Variants in SLC25A26 observed in about 807,000 individuals in gnomAD.
SLC25A26 encodes the protein mitochondrial S-adenosylmethionine carrier protein.
In SLC25A26, 36 loss-of-function variants were observed where a neutral mutation model predicts 37.8. The ratio of observed to expected loss-of-function variants is 0.95; its 90% CI spans 0.73 to 1.26. SLC25A26 has a LOEUF of 1.26. SLC25A26 is among the 50% of genes most tolerant of loss of function. The pLI is 0.00. For missense variants in SLC25A26, 390 were observed against 331.1 expected (o/e 1.18, Z -1.38); for synonymous variants, 129 against 122.5 (o/e 1.05, Z -0.35).
chr3:66,225,762 T>C (rs782086930), intron 1 of SLC25A26, among the ~76,000 whole-genome samples: 1 of 152,200 alleles, frequency 6.6e-6, no homozygotes, highest in Non-Finnish European at 1.5e-5. Context: ...TCGGATACTG[T>C]AAATCATCTC....
chr3:66,202,147 T>C (rs2071119361), intron 1 of SLC25A26, among the ~76,000 whole-genome samples: 1 of 151,930 alleles, frequency 6.6e-6, no homozygotes, highest in Admixed American at 6.6e-5. Flanking sequence ...ATAAAGAAAA[T>C]GTGGCATATA....
In SLC25A26 at chr3:66,221,576, A is replaced by G. The variant is rs140181444; in HGVS notation, c.33+449A>G. On this transcript the variant is annotated intron_variant, in intron 1 of 9. Coordinates refer to ENST00000354883, the MANE Select transcript of SLC25A26 (RefSeq NM_001379210.1). ...TCTCTTTTCAGTCTTAGAAAATGAC[A>G]TGTCCTTCTGTTCATTCAATACATA... Among the ~76,000 whole-genome samples, 147 of 152,120 alleles carry G rather than the reference A, an allele frequency of 9.7e-4. 3 individuals carry two copies. The highest frequency in any genetic ancestry group is 9.4e-3 in the Admixed American group (143 of 15,266).
intron 1 of SLC25A26, among the ~76,000 whole-genome samples, chr3:66,232,588 C>A (rs965520347): frequency 1.2e-4 from 19 of 152,192 alleles, no homozygotes; most frequent in African/African-American, 4.1e-4. Context: ...ACAACAAGAT[C>A]TAAACCTGAA....
intron 5 of SLC25A26, among the ~76,000 whole-genome samples, chr3:66,299,437 A>G (rs2107549328): frequency 6.6e-6 from 1 of 152,192 alleles, no homozygotes; most frequent in African/African-American, 2.4e-5. Context: ...TGATCTGCTC[A>G]CCTCAGCCTC....
chr3:66,192,964 G>A (rs1403265050), intron 1 of SLC25A26, among the ~76,000 whole-genome samples: 2 of 151,908 alleles, frequency 1.3e-5, no homozygotes, highest in African/African-American at 2.4e-5. Flanking sequence ...GAAAAAAAAA[G>A]AAAGAAAAGA....
chr3:66,369,036 AAAAAAAACAAAAACAAAAAAAAAAAAC>A (rs752659764), intron 7 of SLC25A26, among the ~76,000 whole-genome samples: 12,290 of 47,434 alleles, frequency 0.26, 692 homozygotes, highest in South Asian at 0.3. Context: ...AAAAAAAAAA[AAAAAAAACAAAAACAAAAAAAAAAAAC>A]AAAAGACAGT....
In SLC25A26 at chr3:66,333,835, A is replaced by C. The variant is rs188305015; in HGVS notation, c.454-12529A>C. 4.9e-3 allele frequency among the ~76,000 whole-genome samples: 567 copies of C among 116,626 alleles called. 9 individuals are homozygous for C. Among genetic ancestry groups the C allele is most frequent in the Non-Finnish European group, 4.2e-3 (235 of 55,462 alleles). 76.5% of individuals were successfully genotyped at this position (116,626 alleles called of 152,430 possible). On this transcript the variant is annotated intron_variant, in intron 5 of 9. Coordinates refer to ENST00000354883, the MANE Select transcript of SLC25A26 (RefSeq NM_001379210.1). ...AGATACTTGTCCAGAACCTAGAAAA[A>C]CAAAAAACAAACAAAAAACACACAC...
chr3:66,236,690 C>A lies in SLC25A26; in HGVS notation c.180C>A (p.Ser60=). The A allele has an allele frequency of 6.6e-7, 1 of 1,512,596 alleles. No homozygotes were observed. The highest frequency in any genetic ancestry group is 8.8e-7 in the Non-Finnish European group (1 of 1,129,984). The allele number at this position is 1,512,596 out of a possible 1,614,324, so 93.7% of individuals were successfully genotyped here. Residue 60 remains serine (S), a synonymous_variant, in exon 2 of 10, where the codon TCC becomes TCA. Coordinates refer to ENST00000354883, the MANE Select transcript of SLC25A26 (RefSeq NM_001379210.1). ...GCGTTCCTTCTGCTGCTATTGGATCCTTTCCTAATGGTAAAAAATTATATT... is the reference window on the plus strand; with the variant it reads ...GCGTTCCTTCTGCTGCTATTGGATCATTTCCTAATGGTAAAAAATTATATT... The part of the protein sequence containing the change: ...YAGVPSAAIG[S]FPNAAAFFIT...
chr3:66,209,037 G>GGT (rs1559577471), intron 1 of SLC25A26, among the ~76,000 whole-genome samples: 15 of 15,772 alleles, frequency 9.5e-4, no homozygotes, highest in African/African-American at 2.1e-3. Context: ...CCCATATAAA[G>GGT]GTGTATATAT....
intron 1 of SLC25A26, among the ~76,000 whole-genome samples, chr3:66,155,821 T>G (rs2070274978): frequency 6.6e-6 from 1 of 152,110 alleles, no homozygotes; most frequent in Non-Finnish European, 1.5e-5. Context: ...TCTCATCTCC[T>G]CACATCCTCT....
At chr3:66,332,840 C>G (rs1426312347) in intron 5 of SLC25A26, among the ~76,000 whole-genome samples, 1 of 152,166 alleles carries the variant, frequency 6.6e-6, no homozygotes, top group African/African-American at 2.4e-5. Flanking sequence ...CTGTCCTTCC[C>G]CAGAGGTCTC....
intron 5 of SLC25A26, chr3:66,324,277 T>A (rs1327717181): frequency 1.3e-5 from 2 of 149,736 alleles, no homozygotes; most frequent in Non-Finnish European, 2.9e-5. Context: ...TTTGGTTGAG[T>A]GAGGGATGTA....
At chr3:66,339,430 A>AT (rs1014827210) in intron 5 of SLC25A26, among the ~76,000 whole-genome samples, 2 of 151,924 alleles carry the variant, frequency 1.3e-5, no homozygotes, top group Non-Finnish European at 2.9e-5. Context: ...CTACCACTTA[A>AT]TTTTTTTGAA....
At position 66,362,864 on chromosome 3, in the gene SLC25A26, T is replaced by C; in HGVS notation, c.503T>C (p.Leu168Pro). 1 of 1,599,708 alleles carries C rather than the reference T, an allele frequency of 6.3e-7. No individual in the cohort carries two copies. Among genetic ancestry groups the C allele is most frequent in the Non-Finnish European group, 8.5e-7 (1 of 1,173,094 alleles). Residue 168 changes from leucine to proline, a missense_variant, in exon 7 of 10, where the codon CTC (leucine) becomes CCC (proline). Physicochemically the swap from Leu to Pro is moderately conservative, Grantham distance 98. Coordinates refer to ENST00000354883, the MANE Select transcript of SLC25A26 (RefSeq NM_001379210.1). ...TTTCTTTCTCCTTAAACACAGGCCC[T>C]CTGGTCCTGGAGGCAGGATCATGTG... The part of the protein sequence containing the change: ...QFPLWESLKA[L>P]WSWRQDHVVD...
intron 5 of SLC25A26, among the ~76,000 whole-genome samples, chr3:66,342,791 T>C (rs908478528): frequency 1.3e-5 from 2 of 152,216 alleles, no homozygotes; most frequent in African/African-American, 2.4e-5. Context: ...GTGGAATCCA[T>C]GTTGAATTTT....
At chr3:66,233,304 A>C (rs2072119756) in intron 1 of SLC25A26, among the ~76,000 whole-genome samples, 1 of 152,268 alleles carries the variant, frequency 6.6e-6, no homozygotes, top group Non-Finnish European at 1.5e-5. Flanking sequence ...CTTAAGGTAG[A>C]GACATGTATT....
At chr3:66,333,362 T>C (rs1394001941) in intron 5 of SLC25A26, among the ~76,000 whole-genome samples, 1 of 152,208 alleles carries the variant, frequency 6.6e-6, no homozygotes, top group Non-Finnish European at 1.5e-5. Flanking sequence ...AGCTGTTTTT[T>C]CCATTTGACC....
rs142707897 is a variant in SLC25A26 at position 66,354,125 on chromosome 3, A to G, written c.498+7717A>G. On this transcript the variant is annotated intron_variant, in intron 6 of 9. Coordinates refer to ENST00000354883, the MANE Select transcript of SLC25A26 (RefSeq NM_001379210.1). ...TTAAGTCAAAAGTAAGCATATTATG[A>G]AAGGATATGATAAAATTTCCTGTGA... 3.5e-3 allele frequency among the ~76,000 whole-genome samples: 533 copies of G among 152,260 alleles called. 4 individuals carry two copies. The highest frequency in any genetic ancestry group is 0.012 in the African/African-American group (505 of 41,544).
chr3:66,134,528 G>A (rs2069918005), intron 1 of SLC25A26, among the ~76,000 whole-genome samples: 1 of 152,152 alleles, frequency 6.6e-6, no homozygotes, highest in Non-Finnish European at 1.5e-5. Context: ...CTGAGTTTGA[G>A]TCACGATGAA....
Sources: allele counts gnomAD v4.1 joint callset (sites outside exome capture counted in the v4.1 genomes callset), GRCh38; gene constraint gnomAD v4.1.1; transcripts MANE v1.5; gene names NCBI Gene and HGNC (gene_info 2026-07-23, HGNC 2026-07-21).